RBFOX1: variants seen among roughly 807,000 people sequenced by gnomAD.
RBFOX1 encodes the protein RNA binding protein fox-1 homolog 1.
A neutral mutation model predicts 57.7 loss-of-function variants in RBFOX1; 8 were observed. That is an observed-to-expected ratio of 0.14 (90% confidence interval 0.08 to 0.25). The LOEUF (loss-of-function observed/expected upper bound fraction) is 0.25. Ranked by LOEUF, RBFOX1 falls within the 10% of genes least tolerant of loss-of-function variation. The pLI is 1.00. For missense variants in RBFOX1, 611 were observed against 548.5 expected, an observed-to-expected ratio of 1.11 and a Z score of -1.14; for synonymous variants, 326 against 222.4, an observed-to-expected ratio of 1.47 and a Z score of -4.15.
chr16:6,169,380 A>G (rs2096941517), intron 1 of RBFOX1, among the ~76,000 whole-genome samples: 1 of 152,168 alleles, frequency 6.6e-6, no homozygotes, highest in African/African-American at 2.4e-5. Flanking sequence ...GAATTCTTAT[A>G]CATGGAAGAG....
At chr16:6,717,563 T>G (rs2154157960) in intron 3 of RBFOX1, among the ~76,000 whole-genome samples, 1 of 151,920 alleles carries the variant, frequency 6.6e-6, no homozygotes, top group Middle Eastern at 3.4e-3. Flanking sequence ...AGATAGCCTG[T>G]GAGCCTGAGA....
chr16:5,744,874 C>T lies in RBFOX1; in HGVS notation c.319-122429C>T, dbSNP rs183195207. 9.8e-4 allele frequency among the ~76,000 whole-genome samples: 150 copies of T among 152,304 alleles called. 1 individual carries two copies. Among genetic ancestry groups the T allele is most frequent in the African/African-American group, 3.5e-3 (145 of 41,564 alleles). ...CCGGGTTCAAACAATTCTCCTGCCTCACCGCTCTCTCTCCGACCGCCCAAA... is the reference window on the plus strand; with the variant it reads ...CCGGGTTCAAACAATTCTCCTGCCTTACCGCTCTCTCTCCGACCGCCCAAA... On this transcript the variant is annotated intron_variant, in intron 3 of 19. Coordinates refer to the RBFOX1 transcript ENST00000641259.
intron 3 of RBFOX1, among the ~76,000 whole-genome samples, chr16:6,955,917 G>C (rs1225432447): frequency 1.3e-5 from 2 of 152,070 alleles, no homozygotes; most frequent in Admixed American, 6.6e-5. Context: ...TGTTGGTCAG[G>C]CTGGTCTCAA....
At chr16:6,759,501 GTGTGT>G (rs1292816959) in intron 3 of RBFOX1, among the ~76,000 whole-genome samples, 5 of 150,076 alleles carry the variant, frequency 3.3e-5, no homozygotes, top group Admixed American at 1.3e-4. Context: ...GTGTGTGTGT[GTGTGT>G]GTGTGTGTGT....
At chr16:7,465,885 C>A (rs191416082) in intron 4 of RBFOX1, among the ~76,000 whole-genome samples, 1 of 152,218 alleles carries the variant, frequency 6.6e-6, no homozygotes, top group African/African-American at 2.4e-5. Context: ...TTCATACATA[C>A]ATTTTTTTGC....
At position 6,360,905 on chromosome 16, in the gene RBFOX1, C is replaced by T. The variant is rs184092788; in HGVS notation, c.-64+43848C>T. On this transcript the variant is annotated intron_variant, in intron 2 of 15. Coordinates refer to ENST00000550418, the MANE Select transcript of RBFOX1 (RefSeq NM_018723.4). Reference sequence around the variant, plus strand: ...CTGAGTTTCTTGACATTGTTTGAGCCGAAGACCGTTATCTTTACTTCAGGG... The same window carrying T: ...CTGAGTTTCTTGACATTGTTTGAGCTGAAGACCGTTATCTTTACTTCAGGG... 1.4e-3 allele frequency among the ~76,000 whole-genome samples: 208 copies of T among 151,954 alleles called. 1 individual carries two copies. The highest frequency in any genetic ancestry group is 0.013 in the South Asian group (61 of 4,788).
rs1169273701 is a variant in RBFOX1, at chr16:7,379,384, A to G, written c.28-138763A>G. Among the ~76,000 whole-genome samples the G allele has an allele frequency of 7.9e-5, 12 of 152,170 alleles. No individual in the cohort carries two copies. In the East Asian group the frequency reaches 2.3e-3, roughly 29 times the overall value. ...AATACTTCAGTAATAGCCTAATTGGAGCGAATAAGAAAATAGAACACTTGT... is the reference window on the plus strand; with the variant it reads ...AATACTTCAGTAATAGCCTAATTGGGGCGAATAAGAAAATAGAACACTTGT... On this transcript the variant is annotated intron_variant, in intron 4 of 15. Transcript: ENST00000550418.
chr16:6,637,288 A>T (rs4992675), intron 2 of RBFOX1, among the ~76,000 whole-genome samples: 17,738 of 24,984 alleles, frequency 0.71, 7,308 homozygotes, highest in Non-Finnish European at 0.74. Context: ...ATTATATATA[A>T]TATATAATAT....
chr16:7,645,073 G>A (rs879448935), intron 11 of RBFOX1, among the ~76,000 whole-genome samples: 1 of 152,158 alleles, frequency 6.6e-6, no homozygotes, highest in Non-Finnish European at 1.5e-5. Context: ...TGGACAATCA[G>A]GCCAGCACGT....
chr16:7,643,974 T>A (rs932135175), intron 11 of RBFOX1, among the ~76,000 whole-genome samples: 21 of 152,108 alleles, frequency 1.4e-4, no homozygotes, highest in Non-Finnish European at 2.6e-4. Context: ...TATGATGAAT[T>A]GGGGCTGGCT....
chr16:5,548,168 A>ATATATATATATATATAT (rs1256241961), intron 2 of RBFOX1, among the ~76,000 whole-genome samples: 24 of 57,116 alleles, frequency 4.2e-4, no homozygotes, highest in Non-Finnish European at 6.9e-4. Flanking sequence ...TAAAAAAAAA[A>ATATATATATATATATAT]AAAAAAATAT....
intron 1 of RBFOX1, among the ~76,000 whole-genome samples, chr16:5,322,503 C>T (rs968361377): frequency 2.0e-5 from 3 of 152,132 alleles, no homozygotes; most frequent in African/African-American, 4.8e-5. Flanking sequence ...GGCATCCGTC[C>T]TTTCTTGGGG....
chr16:6,522,238 A>T (rs2096515623), intron 2 of RBFOX1, among the ~76,000 whole-genome samples: 1 of 151,692 alleles, frequency 6.6e-6, no homozygotes, highest in South Asian at 2.1e-4. Context: ...CCAAGTAGAT[A>T]AACCTCTGCC....
At chr16:7,113,661 AG>A (rs1312477005) in intron 4 of RBFOX1, among the ~76,000 whole-genome samples, 2 of 152,184 alleles carry the variant, frequency 1.3e-5, no homozygotes, top group Non-Finnish European at 2.9e-5. Flanking sequence ...CTTCCACCCA[AG>A]AAACACATCT....
intron 2 of RBFOX1, among the ~76,000 whole-genome samples, chr16:6,563,168 T>G (rs1318498687): frequency 4.6e-5 from 7 of 152,136 alleles, no homozygotes; most frequent in Non-Finnish European, 8.8e-5. Context: ...TTGTCGTCCT[T>G]TGTGACTCTG....
intron 4 of RBFOX1, among the ~76,000 whole-genome samples, chr16:5,985,111 G>C (rs1357674143): frequency 1.3e-5 from 2 of 149,850 alleles, no homozygotes; most frequent in Admixed American, 1.3e-4. Context: ...TCAGCCTCCT[G>C]AGTAGCCAGG....
chr16:7,015,793 A>G (rs1279342104), intron 3 of RBFOX1, among the ~76,000 whole-genome samples: 1 of 151,504 alleles, frequency 6.6e-6, no homozygotes, highest in Non-Finnish European at 1.5e-5. Flanking sequence ...TTTTCTGACT[A>G]ATAACATTTT....
chr16:5,946,704 A>T lies in RBFOX1; in HGVS notation c.351+79369A>T, dbSNP rs1292424054. On this transcript the variant is annotated intron_variant, in intron 4 of 19. Coordinates refer to the RBFOX1 transcript ENST00000641259. This position sits in a 1 kb window ranked among gnomAD's most constrained non-coding sequence, Gnocchi z 4.6. ...ATTTATAACCAGATGGTGAGAAGGG[A>T]AGTACAGGCTTGCTCTGAAGTGGGG... 6.6e-6 allele frequency among the ~76,000 whole-genome samples: 1 copy of T among 152,186 alleles called. No homozygotes were observed. Among genetic ancestry groups the T allele is most frequent in the Non-Finnish European group, 1.5e-5 (1 of 68,038 alleles).
chr16:6,193,840 T>G (rs976642534), intron 1 of RBFOX1, among the ~76,000 whole-genome samples: 1 of 152,124 alleles, frequency 6.6e-6, no homozygotes, highest in African/African-American at 2.4e-5. Flanking sequence ...TTCATTCTCC[T>G]GGTAAACTTG....
Sources: allele counts gnomAD v4.1 joint callset (sites outside exome capture counted in the v4.1 genomes callset), GRCh38; gene constraint gnomAD v4.1.1; non-coding constraint Gnocchi (gnomAD v3.1); transcripts MANE v1.5; gene names NCBI Gene and HGNC (gene_info 2026-07-23, HGNC 2026-07-21).